The following NSD1 variants were observed in gnomAD, a reference collection of about 807,000 sequenced individuals.
NSD1 encodes nuclear receptor binding SET domain protein 1, also known as histone-lysine N-methyltransferase, H3 lysine-36 specific.
NSD1 carries 26 observed loss-of-function variants against 242.7 expected under a neutral mutation model. That is an observed-to-expected ratio of 0.11 (90% confidence interval 0.08 to 0.15). The LOEUF is 0.15. Among genes scored for constraint, NSD1 ranks in the 10% least tolerant of loss-of-function variants. NSD1 has a pLI of 1.00. For synonymous variants in NSD1, 1,106 were observed against 1,178.1 expected, an observed-to-expected ratio of 0.94 and a Z score of 1.25; for missense variants, 2,495 against 3,272.8, an observed-to-expected ratio of 0.76 and a Z score of 5.80.
chr5:177,240,617 G>A (rs1026609774), intron 8 of NSD1, among the ~76,000 whole-genome samples: 1 of 152,080 alleles, frequency 6.6e-6, no homozygotes, highest in African/African-American at 2.4e-5. Flanking sequence ...GGAGGCTGAG[G>A]CAGGAGAATG....
intron 14 of NSD1, chr5:177,265,615 G>A (rs1554201278): frequency 6.8e-7 from 1 of 1,481,006 alleles, no homozygotes; most frequent in South Asian, 1.1e-5. Context: ...CGCACAGATG[G>A]CCCCTGAAAT....
intron 3 of NSD1, among the ~76,000 whole-genome samples, chr5:177,195,838 G>T (rs1465645489): frequency 6.6e-6 from 1 of 152,018 alleles, no homozygotes; most frequent in African/African-American, 2.4e-5. Flanking sequence ...TAAATACCTT[G>T]TATAGATTGA....
intron 18 of NSD1, 55 bp downstream of exon 18, chr5:177,280,889 C>G: frequency 6.4e-7 from 1 of 1,557,880 alleles, no homozygotes. Flanking sequence ...TGCTTGATAT[C>G]ATTGATCCTT....
intron 14 of NSD1, chr5:177,264,916 G>C: frequency 3.7e-6 from 3 of 810,846 alleles, no homozygotes; most frequent in Admixed American, 1.7e-5. Context: ...TCTTCAAAAA[G>C]GAATGCCCCA....
At chr5:177,147,239 G>A (rs1197634893) in intron 2 of NSD1, among the ~76,000 whole-genome samples, 1 of 152,084 alleles carries the variant, frequency 6.6e-6, no homozygotes, top group Non-Finnish European at 1.5e-5. Flanking sequence ...CTGATTAGCT[G>A]CGACTACAGG....
chr5:177,135,511 T>G lies in NSD1; in HGVS notation c.408T>G (p.Pro136=). ...MKQEPSCNNS[P]ELQVKVTKTI... is the part of the protein sequence containing the mutation. ...AGGAACCCTCTTGTAATAACTCCCC[T>G]GAACTCCAGGTAAAAGTAACAAAGA... Residue 136 remains proline (P), a synonymous_variant, in exon 2 of 23, where the codon CCT becomes CCG. Transcript: ENST00000439151. 6.2e-7 allele frequency: 1 copy of G among 1,614,206 alleles called. No individual in the cohort carries two copies.
chr5:177,214,763 G>C (rs1763635791), intron 5 of NSD1, among the ~76,000 whole-genome samples: 1 of 150,974 alleles, frequency 6.6e-6, no homozygotes, highest in African/African-American at 2.4e-5. Flanking sequence ...TGCCTCGTGG[G>C]TTCTCGGCTC....
chr5:177,204,928 TTTG>T (rs1164451127), intron 4 of NSD1, among the ~76,000 whole-genome samples: 4 of 152,198 alleles, frequency 2.6e-5, no homozygotes, highest in African/African-American at 9.7e-5. Context: ...TGACCATTCT[TTTG>T]TTATCTTTTA....
intron 2 of NSD1, among the ~76,000 whole-genome samples, chr5:177,185,524 G>A (rs1458129407): frequency 6.6e-6 from 1 of 150,568 alleles, no homozygotes; most frequent in African/African-American, 2.4e-5. Flanking sequence ...CTTGAACCCA[G>A]GAGGCGGAGG....
intron 2 of NSD1, among the ~76,000 whole-genome samples, chr5:177,189,845 T>G (rs1456027827): frequency 6.6e-6 from 1 of 152,230 alleles, no homozygotes; most frequent in Non-Finnish European, 1.5e-5. Context: ...CAGTTTTCAG[T>G]ACAGATAAAA....
chr5:177,207,592 A>AATT (rs1562201588), intron 4 of NSD1, among the ~76,000 whole-genome samples: 1 of 100,118 alleles, frequency 1.0e-5, no homozygotes, highest in Non-Finnish European at 1.8e-5. Flanking sequence ...TATTTATTTA[A>AATT]ATTTTTTTTT....
chr5:177,206,871 T>A (rs1581302942), intron 4 of NSD1, among the ~76,000 whole-genome samples: 1 of 150,492 alleles, frequency 6.6e-6, no homozygotes, highest in African/African-American at 2.5e-5. Flanking sequence ...AAAAAAAAAA[T>A]ACACACTACC....
rs1206405477 is a variant in NSD1 at position 177,209,760 on chromosome 5, A to G, written c.1361A>G (p.Asp454Gly). The change falls in exon 5 of 23, where the codon GAT becomes GGT. Residue 454 changes from aspartate (D) to glycine (G), a missense_variant. By Grantham distance (94) the Asp-to-Gly change is moderately conservative (BLOSUM62 -1). Transcript: ENST00000439151. ...TCAATCAAGTTGGACAGTGAAGAAG[A>G]TATGCCATTTGAAGACTGCACAAAT... is the stretch of plus-strand genomic sequence containing the variant. ...PGSIKLDSEE[D>G]MPFEDCTNDP... The G allele has an allele frequency of 1.9e-6, 3 of 1,614,040 alleles. No individual in the cohort carries two copies. The highest frequency in any genetic ancestry group is 2.5e-6 in the Non-Finnish European group (3 of 1,180,024).
chr5:177,266,571 G>A (rs1757488731), intron 14 of NSD1: 4 of 689,680 alleles, frequency 5.8e-6, no homozygotes, highest in Admixed American at 2.9e-5. Flanking sequence ...TGCAGTTCAC[G>A]ACCTCGGCGG....
chr5:177,232,721 AAG>A (rs1438514652), intron 5 of NSD1, among the ~76,000 whole-genome samples: 1 of 152,240 alleles, frequency 6.6e-6, no homozygotes, highest in East Asian at 1.9e-4. Context: ...TTAAATTAAA[AAG>A]AATTTTTTCC....
chr5:177,139,394 C>T (rs1291287422), intron 2 of NSD1, among the ~76,000 whole-genome samples: 4 of 147,216 alleles, frequency 2.7e-5, no homozygotes, highest in Non-Finnish European at 4.5e-5. Context: ...TGCAGTGAGC[C>T]GAGATTGTGC....
intron 4 of NSD1, 31 bp downstream of exon 4, chr5:177,204,323 G>C (rs1050088110): frequency 1.2e-5 from 19 of 1,596,114 alleles, no homozygotes; most frequent in Non-Finnish European, 1.6e-5. Context: ...TTTATTGAGT[G>C]ACAGAAGCAA....
chr5:177,202,845 TCA>T (rs1762607669), intron 3 of NSD1, among the ~76,000 whole-genome samples: 2 of 152,198 alleles, frequency 1.3e-5, no homozygotes, highest in South Asian at 4.1e-4. Context: ...ATTTTTTTTT[TCA>T]GTTTGTTTTT....
intron 5 of NSD1, among the ~76,000 whole-genome samples, chr5:177,222,408 C>T (rs1157225933): frequency 6.6e-6 from 1 of 152,066 alleles, no homozygotes; most frequent in Non-Finnish European, 1.5e-5. Context: ...TATATTCAAC[C>T]CTTTGAGTAA....
Sources: gnomAD v4.1 joint callset for allele counts (sites outside exome capture counted in the v4.1 genomes callset) on GRCh38, gnomAD v4.1.1 for gene constraint, MANE v1.5 for transcripts, NCBI Gene and HGNC (gene_info 2026-07-23, HGNC 2026-07-21) for gene names.